UGT1A5: variants seen among roughly 807,000 people sequenced by gnomAD.
UGT1A5 encodes the protein UDP-glucuronosyltransferase 1A5.
A neutral mutation model predicts 40.3 loss-of-function variants in UGT1A5; 29 were observed. The ratio of observed to expected loss-of-function variants is 0.72; its 90% CI spans 0.54 to 0.98. The LOEUF is 0.98. Ranked by LOEUF, UGT1A5 falls within the 50% of genes least tolerant of loss-of-function variation. The pLI is 0.00. For missense variants in UGT1A5, 678 were observed against 677.9 expected (o/e 1.00, Z 0.00); for synonymous variants, 257 against 262.5 (o/e 0.98, Z 0.20).
In UGT1A5 at chr2:233,747,664, T is replaced by G. The variant is rs942017762; in HGVS notation, c.868-19370T>G. ...GCTACTTCCTTCGATGTGGTTTTAA[T>G]AGACCCAATTTACCTCTGTGGGGCA... On this transcript the variant is annotated intron_variant, in intron 1 of 4. Coordinates refer to ENST00000373414, the MANE Select transcript of UGT1A5 (RefSeq NM_019078.2). The G allele has an allele frequency of 5.0e-6, 8 of 1,600,932 alleles. No individual in the cohort carries two copies. The African/African-American group carries it at 1.1e-4, about 22-fold the overall frequency.
At chr2:233,758,245 A>G (rs1047370626) in intron 1 of UGT1A5, among the ~76,000 whole-genome samples, 51 of 152,214 alleles carry the variant, frequency 3.4e-4, no homozygotes, top group Non-Finnish European at 1.9e-4. Flanking sequence ...ATTGCCCACT[A>G]TTCAGATTAG....
At chr2:233,727,543 C>G (rs1033335466) in intron 1 of UGT1A5, among the ~76,000 whole-genome samples, 5 of 152,154 alleles carry the variant, frequency 3.3e-5, no homozygotes, top group Non-Finnish European at 7.3e-5. Flanking sequence ...GTGTTCCACC[C>G]GTCACCTGGG....
chr2:233,767,170 G>A lies in UGT1A5; in HGVS notation c.999+5G>A. 1.2e-6 allele frequency: 2 copies of A among 1,614,090 alleles called. No homozygotes were observed. Among genetic ancestry groups the A allele is most frequent in the South Asian group, 1.1e-5 (1 of 91,068 alleles). ...TTGGGCAAAATCCCTCAGACAGTAA[G>A]AAGATTCTATACCATGGCCTCATAT... is the stretch of plus-strand genomic sequence containing the variant. On this transcript the variant is annotated splice_donor_5th_base_variant and intron_variant, in intron 2 of 4. Transcript: ENST00000373414.
chr2:233,757,558 A>ATATATATATATATATATATATATC (rs1553619909), intron 1 of UGT1A5, among the ~76,000 whole-genome samples: 1 of 124,446 alleles, frequency 8.0e-6, no homozygotes, highest in African/African-American at 3.3e-5. Context: ...ATATATATAT[A>ATATATATATATATATATATATATC]TATGTATATA....
intron 1 of UGT1A5, chr2:233,729,371 T>A (rs1158869339): frequency 1.2e-6 from 2 of 1,613,978 alleles, no homozygotes; most frequent in Non-Finnish European, 1.7e-6. Flanking sequence ...ACCTATGCCA[T>A]TTCGTGGACC....
At chr2:233,717,293 A>G (rs2076562605) in intron 1 of UGT1A5, among the ~76,000 whole-genome samples, 1 of 152,182 alleles carries the variant, frequency 6.6e-6, no homozygotes, top group Admixed American at 6.5e-5. Context: ...TTGCACCCAC[A>G]GCTGAGAATC....
intron 1 of UGT1A5, among the ~76,000 whole-genome samples, chr2:233,731,521 G>T (rs1358049437): frequency 1.3e-5 from 2 of 152,162 alleles, no homozygotes; most frequent in African/African-American, 2.4e-5. Context: ...ACCTATGAGT[G>T]AGAACATGCG....
chr2:233,762,650 A>G (rs1191446046), intron 1 of UGT1A5, among the ~76,000 whole-genome samples: 5 of 151,336 alleles, frequency 3.3e-5, no homozygotes, highest in Admixed American at 2.6e-4. Context: ...AAGATAAGCT[A>G]TTTTGTAGTT....
chr2:233,715,826 A>AT (rs1221797206), intron 1 of UGT1A5, among the ~76,000 whole-genome samples: 3 of 152,148 alleles, frequency 2.0e-5, no homozygotes, highest in African/African-American at 4.8e-5. Flanking sequence ...GTTAGAAAAC[A>AT]TTTTTTTAAA....
intron 1 of UGT1A5, among the ~76,000 whole-genome samples, chr2:233,718,350 T>C: frequency 6.6e-6 from 1 of 152,358 alleles, no homozygotes; most frequent in Non-Finnish European, 1.5e-5. Flanking sequence ...CTTTTGGATG[T>C]GCTGTGTTAT....
chr2:233,735,011 C>T (rs554046277), intron 1 of UGT1A5, among the ~76,000 whole-genome samples: 7 of 152,192 alleles, frequency 4.6e-5, no homozygotes, highest in Non-Finnish European at 1.0e-4. Flanking sequence ...GTGGAGAGTT[C>T]TGTAGATGTC....
intron 1 of UGT1A5, among the ~76,000 whole-genome samples, chr2:233,724,415 C>G (rs1413397133): frequency 7.9e-6 from 1 of 126,926 alleles, no homozygotes; most frequent in East Asian, 2.6e-4. Context: ...GGGTGGCTGC[C>G]GGGCGGAGAG....
intron 1 of UGT1A5, chr2:233,730,084 A>T: frequency 6.2e-7 from 1 of 1,601,106 alleles, no homozygotes. Flanking sequence ...ATATTTACTT[A>T]TCTTTCCAAA....
At chr2:233,743,532 G>T in intron 1 of UGT1A5, 1 of 1,367,232 alleles carries the variant, frequency 7.3e-7, no homozygotes, top group South Asian at 1.1e-5. Context: ...TTCCCCAGCA[G>T]TTCCTCTGAC....
Position 233,757,558 on chromosome 2 carries a change from A to ATATATATATG in UGT1A5, c.868-9473_868-9472insATATATGTAT, listed in dbSNP as rs1553619909. ...GGAATATATATATATATATATATAT[A>ATATATATATG]TATGTATATATGATATAGCTATAGT... On this transcript the variant is annotated intron_variant, in intron 1 of 4. Transcript: ENST00000373414. 2.4e-5 allele frequency among the ~76,000 whole-genome samples: 3 copies of ATATATATATG among 124,458 alleles called. No homozygotes were observed. In the East Asian group the frequency reaches 6.3e-4, roughly 26 times the overall value. 81.6% of individuals were successfully genotyped at this position (124,458 alleles called of 152,430 possible). A position where few individuals can be genotyped will look rare whatever the true frequency, so the allele number is the denominator to read the frequency against.
intron 1 of UGT1A5, among the ~76,000 whole-genome samples, chr2:233,717,364 C>CA (rs1417907473): frequency 6.6e-6 from 1 of 152,218 alleles, no homozygotes; most frequent in Admixed American, 6.5e-5. Flanking sequence ...GGGGAGTTCT[C>CA]AAGCCCTTAC....
intron 4 of UGT1A5, among the ~76,000 whole-genome samples, chr2:233,771,783 T>TCTCACTCCCTCCCTCC (rs1700380653): frequency 6.6e-6 from 1 of 151,556 alleles, no homozygotes; most frequent in Non-Finnish European, 1.5e-5. Context: ...TCCTTTCCTC[T>TCTCACTCCCTCCCTCC]CTCCCTCCCT....
intron 1 of UGT1A5, chr2:233,719,098 C>A (rs188914242): frequency 6.2e-7 from 1 of 1,614,122 alleles, no homozygotes; most frequent in Non-Finnish European, 8.5e-7. Flanking sequence ...GATCGCGTTA[C>A]GCTGGGCTAC....
Position 233,767,853 on chromosome 2 carries a change from TG to T in UGT1A5, c.1005del (p.Trp336GlyfsTer31), listed in dbSNP as rs1559414567. 7 of 1,614,210 alleles carry T rather than the reference TG, an allele frequency of 4.3e-6. No homozygotes were observed. Among genetic ancestry groups the T allele is most frequent in the Non-Finnish European group, 5.9e-6 (7 of 1,180,034 alleles). ...TGCTCTTTTTGCCCCTCCCAGGTCCTGTGGCGGTACACTGGAACCCGACCAT... is the reference window on the plus strand; with the variant it reads ...TGCTCTTTTTGCCCCTCCCAGGTCCTTGGCGGTACACTGGAACCCGACCAT... Reference protein sequence around the residue: ...DALGKIPQTVLWRYTGTRPSN... With the variant: ...DALGKIPQTVXWRYTGTRPSN... On this transcript the variant is annotated frameshift_variant, in exon 3 of 5. Coordinates refer to ENST00000373414, the MANE Select transcript of UGT1A5 (RefSeq NM_019078.2). LOFTEE classifies it high-confidence loss of function.
Sources: gnomAD v4.1 joint callset for allele counts (sites outside exome capture counted in the v4.1 genomes callset) on GRCh38, gnomAD v4.1.1 for gene constraint, MANE v1.5 for transcripts, NCBI Gene and HGNC (gene_info 2026-07-23, HGNC 2026-07-21) for gene names.